Variants in GNAT3 observed in about 807,000 individuals in gnomAD.
GNAT3 encodes guanine nucleotide-binding protein G(t) subunit alpha-3.
In GNAT3, 31 loss-of-function variants were observed where a neutral mutation model predicts 37.7. That is an observed-to-expected ratio of 0.82 (90% CI 0.62 to 1.11). GNAT3 has a LOEUF of 1.11. Ranked by LOEUF, GNAT3 falls within the 50% of genes most tolerant of loss-of-function variation. The pLI, the probability that GNAT3 is intolerant of heterozygous loss-of-function variation, is 0.00. For missense variants in GNAT3, 437 were observed against 412.5 expected (o/e 1.06, Z -0.51); for synonymous variants, 138 against 139.8 (o/e 0.99, Z 0.09).
intron 1 of GNAT3, among the ~76,000 whole-genome samples, chr7:80,505,184 A>G (rs1171011200): frequency 1.3e-5 from 2 of 152,112 alleles, no homozygotes; most frequent in African/African-American, 4.8e-5. Context: ...TGAGGGTTTG[A>G]ATGTCAATTA....
intron 1 of GNAT3, among the ~76,000 whole-genome samples, chr7:80,500,621 A>G (rs1034782406): frequency 6.6e-6 from 1 of 152,082 alleles, no homozygotes. Flanking sequence ...CTAGTGAACA[A>G]TGCTAAATGT....
intron 2 of GNAT3, among the ~76,000 whole-genome samples, chr7:80,494,232 T>C (rs1790670052): frequency 6.6e-6 from 1 of 152,136 alleles, no homozygotes; most frequent in African/African-American, 2.4e-5. Context: ...GTAGGCAAAA[T>C]GCTAATGAGG....
chr7:80,496,860 T>C (rs1183068826), intron 1 of GNAT3, among the ~76,000 whole-genome samples: 1 of 152,204 alleles, frequency 6.6e-6, no homozygotes, highest in Non-Finnish European at 1.5e-5. Context: ...TTTCTTTTTT[T>C]TTTTTTGGTC....
intron 5 of GNAT3, 90 bp from the exon 6 acceptor site, chr7:80,462,721 T>A: frequency 1.1e-6 from 1 of 898,252 alleles, no homozygotes; most frequent in South Asian, 2.0e-5. Context: ...AAATGGGTGA[T>A]CCCCTATCTT....
At chr7:80,491,814 A>G (rs747028397) in intron 2 of GNAT3, among the ~76,000 whole-genome samples, 39 of 152,192 alleles carry the variant, frequency 2.6e-4, no homozygotes, top group Non-Finnish European at 4.7e-4. Flanking sequence ...ATTATTTTCT[A>G]CAGAAATTCT....
Position 80,488,547 on chromosome 7 carries a change from A to T in GNAT3, c.291T>A (p.Asn97Lys), listed in dbSNP as rs545908202. Residue 97 changes from asparagine (N) to lysine (K), a missense_variant, in exon 3 of 8, where the codon AAT (asparagine) becomes AAA (lysine). Asn to Lys is a moderately conservative substitution (Grantham distance 94, BLOSUM62 0). Transcript: ENST00000398291. ...AMTTLGIDYV[N>K]PRSAEDQRQL... ...TTTGCATACTTACTGCACTTCTGGG[A>T]TTTACATAATCAATTCCAAGGGTAG... 1 of 1,601,226 alleles carries T rather than the reference A, an allele frequency of 6.2e-7. No homozygotes were observed. The highest frequency in any genetic ancestry group is 8.5e-7 in the Non-Finnish European group (1 of 1,172,756).
intron 5 of GNAT3, among the ~76,000 whole-genome samples, chr7:80,463,100 A>G (rs1790078216): frequency 6.6e-6 from 1 of 152,168 alleles, no homozygotes; most frequent in African/African-American, 2.4e-5. Context: ...ACACTGTGCT[A>G]GGTCTACTAG....
At chr7:80,511,775 C>A in intron 1 of GNAT3, 34 bp downstream of exon 1, 2 of 1,349,474 alleles carry the variant, frequency 1.5e-6, no homozygotes, top group South Asian at 1.2e-5. Flanking sequence ...AAAAAAAAGT[C>A]AGGTTTTTGA....
chr7:80,507,205 ATGTTGGTGTAATAAAATTTCAAAAT>A (rs1790963286), intron 1 of GNAT3, among the ~76,000 whole-genome samples: 2 of 151,862 alleles, frequency 1.3e-5, no homozygotes, highest in Non-Finnish European at 2.9e-5. Flanking sequence ...GGCATGGACT[ATGTTGGTGTAATAAAATTTCAAAAT>A]AGTGTTTCTT....
intron 1 of GNAT3, among the ~76,000 whole-genome samples, chr7:80,501,334 A>G (rs945138021): frequency 3.3e-5 from 5 of 152,036 alleles, no homozygotes; most frequent in Non-Finnish European, 7.4e-5. Context: ...ATACATTTAC[A>G]TATACATATA....
intron 1 of GNAT3, among the ~76,000 whole-genome samples, chr7:80,508,221 T>C (rs921803793): frequency 6.6e-6 from 1 of 151,856 alleles, no homozygotes; most frequent in African/African-American, 2.4e-5. Flanking sequence ...ATTTTTTTCC[T>C]ATGCTTTCCA....
At chr7:80,459,484 G>A (rs568969621) in intron 7 of GNAT3, among the ~76,000 whole-genome samples, 9 of 152,300 alleles carry the variant, frequency 5.9e-5, no homozygotes, top group African/African-American at 2.2e-4. Context: ...GAGTTAGGAT[G>A]CGATATAAAA....
chr7:80,502,062 C>A (rs990591731), intron 1 of GNAT3, among the ~76,000 whole-genome samples: 1 of 151,518 alleles, frequency 6.6e-6, no homozygotes, highest in Non-Finnish European at 1.5e-5. Flanking sequence ...CTATAGTTAC[C>A]AATAATGTAC....
intron 3 of GNAT3, 72 bp downstream of exon 3, chr7:80,488,463 T>C (rs1316859813): frequency 8.1e-7 from 1 of 1,234,930 alleles, no homozygotes; most frequent in Non-Finnish European, 1.1e-6. Flanking sequence ...TACTATGAAC[T>C]TATTAAGTCC....
intron 1 of GNAT3, among the ~76,000 whole-genome samples, chr7:80,509,503 A>T (rs1791015367): frequency 6.6e-6 from 1 of 152,142 alleles, no homozygotes; most frequent in Admixed American, 6.5e-5. Flanking sequence ...AAAGTAAAAC[A>T]TGTAATAGTC....
At chr7:80,498,159 G>T (rs1185786997) in intron 1 of GNAT3, among the ~76,000 whole-genome samples, 1 of 151,982 alleles carries the variant, frequency 6.6e-6, no homozygotes, top group Non-Finnish European at 1.5e-5. Context: ...ATTCAGAATG[G>T]TCTTCTGTAC....
chr7:80,497,532 C>CTA (rs1185876936), intron 1 of GNAT3, among the ~76,000 whole-genome samples: 3 of 144,174 alleles, frequency 2.1e-5, no homozygotes, highest in Admixed American at 7.1e-5. Context: ...GTTTCTCTCT[C>CTA]TATATATATA....
At chr7:80,503,114 A>G (rs1373088790) in intron 1 of GNAT3, among the ~76,000 whole-genome samples, 1 of 152,172 alleles carries the variant, frequency 6.6e-6, no homozygotes, top group African/African-American at 2.4e-5. Flanking sequence ...TATCAATATC[A>G]TCTTATTGAC....
At chr7:80,484,661 T>C (rs1790446478) in intron 3 of GNAT3, among the ~76,000 whole-genome samples, 1 of 152,088 alleles carries the variant, frequency 6.6e-6, no homozygotes, top group Non-Finnish European at 1.5e-5. Flanking sequence ...TCATTATTTC[T>C]CCTTTCCTAT....
Sources: gnomAD v4.1 joint callset for allele counts (sites outside exome capture counted in the v4.1 genomes callset) on GRCh38, gnomAD v4.1.1 for gene constraint, MANE v1.5 for transcripts, NCBI Gene and HGNC (gene_info 2026-07-23, HGNC 2026-07-21) for gene names.